IRAK2: variants seen among roughly 807,000 people sequenced by gnomAD.
IRAK2 encodes interleukin-1 receptor-associated kinase-like 2.
IRAK2 carries 57 observed loss-of-function variants against 72.0 expected under a neutral mutation model. That is an observed-to-expected ratio of 0.79 (90% confidence interval 0.64 to 0.99). The LOEUF (loss-of-function observed/expected upper bound fraction) is 0.99. Among genes scored for constraint, IRAK2 ranks in the 50% least tolerant of loss-of-function variants. The probability of loss-of-function intolerance (pLI) is 0.00; values close to 1 mark genes in which losing one functional copy is unlikely to be tolerated. For synonymous variants in IRAK2, 293 were observed against 312.7 expected (o/e 0.94, Z 0.67); for missense variants, 790 against 794.4 (o/e 0.99, Z 0.07).
chr3:10,166,838 T>C (rs1696699472), intron 1 of IRAK2, among the ~76,000 whole-genome samples: 1 of 152,170 alleles, frequency 6.6e-6, no homozygotes, highest in African/African-American at 2.4e-5. Flanking sequence ...GAGATGGGGT[T>C]TCGCCATGTT....
chr3:10,222,709 A>T lies in IRAK2; in HGVS notation c.1087A>T (p.Lys363Ter). 4.3e-6 allele frequency: 7 copies of T among 1,614,192 alleles called. No individual in the cohort carries two copies. The highest frequency in any genetic ancestry group is 5.9e-6 in the Non-Finnish European group (7 of 1,180,022). The part of the protein sequence containing the change: ...HPMAHLCPVN[K>*]RSKYTMMKTH... The stretch of plus-strand genomic sequence containing the variant: ...AATGGCTCATCTGTGTCCTGTCAAC[A>T]AAAGGTCAAAATACACCATGATGAA... The change falls in exon 9 of 13, where the codon AAA becomes TAA. Residue 363 changes from lysine to a stop codon, truncating the protein, a stop_gained. Transcript: ENST00000256458. LOFTEE classifies it high-confidence loss of function.
At chr3:10,206,001 T>C (rs1234755712) in intron 3 of IRAK2, among the ~76,000 whole-genome samples, 1 of 152,122 alleles carries the variant, frequency 6.6e-6, no homozygotes, top group East Asian at 1.9e-4. Flanking sequence ...AGGCCTCCAT[T>C]AGTCCAGGTC....
chr3:10,172,577 T>C (rs1273920867), intron 1 of IRAK2, among the ~76,000 whole-genome samples: 2 of 139,230 alleles, frequency 1.4e-5, no homozygotes, highest in Non-Finnish European at 1.5e-5. Flanking sequence ...CGGTGGCTCA[T>C]GCCTGTAATC....
chr3:10,225,989 G>A (rs954831731), intron 9 of IRAK2, among the ~76,000 whole-genome samples: 1 of 152,072 alleles, frequency 6.6e-6, no homozygotes, highest in Non-Finnish European at 1.5e-5. Flanking sequence ...ATGATCCACC[G>A]TGCCCAGCCA....
intron 7 of IRAK2, among the ~76,000 whole-genome samples, chr3:10,219,264 T>C (rs1224807437): frequency 6.6e-6 from 1 of 151,880 alleles, no homozygotes. Flanking sequence ...ACATGAAGGG[T>C]GGGAGGAGGA....
intron 2 of IRAK2, among the ~76,000 whole-genome samples, chr3:10,179,989 T>G (rs1696936975): frequency 1.3e-5 from 2 of 152,110 alleles, no homozygotes; most frequent in South Asian, 4.1e-4. Flanking sequence ...GGGTTGAAGG[T>G]TTTTGCATTT....
intron 2 of IRAK2, among the ~76,000 whole-genome samples, chr3:10,183,714 C>T (rs1483705785): frequency 1.4e-5 from 2 of 139,354 alleles, no homozygotes; most frequent in Non-Finnish European, 3.1e-5. Context: ...AGCGAGACTC[C>T]GTCTCAAAAT....
At chr3:10,167,505 C>T (rs1179529713) in intron 1 of IRAK2, among the ~76,000 whole-genome samples, 1 of 151,962 alleles carries the variant, frequency 6.6e-6, no homozygotes, top group Non-Finnish European at 1.5e-5. Context: ...AGCTCCACCT[C>T]CTGGGTTCAT....
chr3:10,182,279 CTTTTT>C (rs71626967), intron 2 of IRAK2, among the ~76,000 whole-genome samples: 44 of 117,636 alleles, frequency 3.7e-4, no homozygotes, highest in Admixed American at 7.5e-4. Flanking sequence ...ACATCATTTT[CTTTTT>C]TTCTTTTTTT....
At chr3:10,168,936 G>T (rs1696746784) in intron 1 of IRAK2, among the ~76,000 whole-genome samples, 1 of 152,132 alleles carries the variant, frequency 6.6e-6, no homozygotes, top group Admixed American at 6.5e-5. Context: ...ACAATATCAG[G>T]GGAACCAGCC....
rs558019468 is a variant in IRAK2, at chr3:10,206,757, T to C, written c.425-2832T>C. On this transcript the variant is annotated intron_variant, in intron 3 of 12. Coordinates refer to ENST00000256458, the MANE Select transcript of IRAK2 (RefSeq NM_001570.4). ...TTTTAGTAGAGACAGGGTTTCACCA[T>C]GTTGACCAGACTGGTCTCGAACTCC... Among the ~76,000 whole-genome samples, 155 of 152,264 alleles carry C rather than the reference T, an allele frequency of 1.0e-3. 1 individual carries two copies. Among genetic ancestry groups the C allele is most frequent in the African/African-American group, 3.6e-3 (151 of 41,558 alleles).
rs769521751 is a variant in IRAK2, at chr3:10,222,831, A to C, written c.1209A>C (p.Ile403=). 1 of 1,613,710 alleles carries C rather than the reference A, an allele frequency of 6.2e-7. No homozygotes were observed. The highest frequency in any genetic ancestry group is 1.1e-5 in the South Asian group (1 of 91,074). ...TKRVDIFSCG[I]VLAEVLTGIP... The stretch of plus-strand genomic sequence containing the variant: ...GAGTGGACATCTTCAGCTGTGGAAT[A>C]GTAAGAGTGTCCTGCTCTGCGTAGA... The change falls in exon 9 of 13, where the codon ATA becomes ATC. Residue 403 remains isoleucine (I), a splice_region_variant and synonymous_variant. Transcript: ENST00000256458.
At chr3:10,220,412 T>C (rs1697669714) in intron 8 of IRAK2, among the ~76,000 whole-genome samples, 1 of 152,132 alleles carries the variant, frequency 6.6e-6, no homozygotes, top group African/African-American at 2.4e-5. Flanking sequence ...ATTTGACTTG[T>C]GGAAGTCCTT....
At chr3:10,176,048 C>T (rs898302793) in intron 1 of IRAK2, among the ~76,000 whole-genome samples, 1 of 148,922 alleles carries the variant, frequency 6.7e-6, no homozygotes, top group Non-Finnish European at 1.5e-5. Flanking sequence ...TGTAACTTTT[C>T]CCCCTGTATT....
intron 3 of IRAK2, among the ~76,000 whole-genome samples, chr3:10,208,909 C>A (rs1697474971): frequency 6.6e-6 from 1 of 152,138 alleles, no homozygotes; most frequent in African/African-American, 2.4e-5. Context: ...TAGAACAGTG[C>A]CTGGCATGAT....
intron 2 of IRAK2, among the ~76,000 whole-genome samples, chr3:10,183,526 G>A (rs1444741528): frequency 2.6e-5 from 4 of 152,130 alleles, no homozygotes; most frequent in Admixed American, 6.6e-5. Flanking sequence ...GACCATCCTG[G>A]CTAACACAGT....
chr3:10,184,723 G>GTT (rs55839723), intron 2 of IRAK2, among the ~76,000 whole-genome samples: 4,122 of 101,648 alleles, frequency 0.041, 234 homozygotes, highest in South Asian at 0.072. Flanking sequence ...GTTTTTGTGT[G>GTT]TTTTTTTTTT....
At chr3:10,170,309 G>A (rs1559437268) in intron 1 of IRAK2, among the ~76,000 whole-genome samples, 1 of 152,212 alleles carries the variant, frequency 6.6e-6, no homozygotes, top group African/African-American at 2.4e-5. Context: ...GCCAGACCCA[G>A]AGAATCCAGG....
At chr3:10,165,431 G>T (rs1374999592) in intron 1 of IRAK2, among the ~76,000 whole-genome samples, 2 of 150,920 alleles carry the variant, frequency 1.3e-5, no homozygotes, top group Non-Finnish European at 2.9e-5. Flanking sequence ...CTTCTTGGGG[G>T]GGTGTGTGTG....
Sources: allele counts gnomAD v4.1 joint callset (sites outside exome capture counted in the v4.1 genomes callset), GRCh38; gene constraint gnomAD v4.1.1; transcripts MANE v1.5; gene names NCBI Gene and HGNC (gene_info 2026-07-23, HGNC 2026-07-21).